The following SLC17A1 variants were observed in gnomAD, a reference collection of about 807,000 sequenced individuals.
SLC17A1 encodes sodium-dependent phosphate transport protein 1.
SLC17A1 carries 51 observed loss-of-function variants against 53.5 expected under a neutral mutation model. The observed-to-expected ratio is 0.95, with a 90% CI of 0.76 to 1.20. SLC17A1 has a LOEUF of 1.20. SLC17A1 is among the 50% of genes most tolerant of loss of function. SLC17A1 has a pLI of 0.00. For synonymous variants in SLC17A1, 179 were observed against 198.8 expected, an observed-to-expected ratio of 0.90 and a Z score of 0.84; for missense variants, 538 against 568.2, an observed-to-expected ratio of 0.95 and a Z score of 0.54.
chr6:25,795,408 A>G (rs1240074298), intron 12 of SLC17A1, among the ~76,000 whole-genome samples: 1 of 152,214 alleles, frequency 6.6e-6, no homozygotes, highest in African/African-American at 2.4e-5. Flanking sequence ...TTCAAAGAAG[A>G]GTTAGAGAGC....
the SLC17A1 span, among the ~76,000 whole-genome samples, chr6:25,755,284 T>C: frequency 6.6e-6 from 1 of 152,074 alleles, no homozygotes; most frequent in African/African-American, 2.4e-5. Flanking sequence ...TTCCAGCGAA[T>C]TTATGGGAAA....
At chr6:25,828,084 A>G (rs1764815595) in intron 2 of SLC17A1, among the ~76,000 whole-genome samples, 1 of 152,176 alleles carries the variant, frequency 6.6e-6, no homozygotes, top group Non-Finnish European at 1.5e-5. Context: ...GACAAGTTAT[A>G]TGCCCCTAAC....
intron 12 of SLC17A1, among the ~76,000 whole-genome samples, chr6:25,793,252 A>G (rs2151476880): frequency 6.6e-6 from 1 of 152,228 alleles, no homozygotes; most frequent in Middle Eastern, 3.4e-3. Flanking sequence ...ATGTAAATTC[A>G]CAGACCCTAG....
chr6:25,802,384 C>A (rs1363330753), intron 10 of SLC17A1, among the ~76,000 whole-genome samples: 1 of 152,042 alleles, frequency 6.6e-6, no homozygotes, highest in East Asian at 1.9e-4. Flanking sequence ...TTTCATTTTG[C>A]AAATTCAATT....
intron 10 of SLC17A1, among the ~76,000 whole-genome samples, chr6:25,804,617 A>T (rs1581466535): frequency 6.6e-6 from 1 of 152,212 alleles, no homozygotes; most frequent in East Asian, 1.9e-4. Flanking sequence ...TCACAAAACA[A>T]ATATTTGCTG....
chr6:25,802,939 T>C (rs1230948898), intron 10 of SLC17A1, among the ~76,000 whole-genome samples: 9 of 63,150 alleles, frequency 1.4e-4, no homozygotes, highest in Admixed American at 4.0e-4. Flanking sequence ...CTTCTTCTTT[T>C]TTTTTTTTTT....
At chr6:25,727,436 G>T in the SLC17A1 span, 1 of 686,842 alleles carries the variant, frequency 1.5e-6, no homozygotes. Context: ...CACTCTCCCA[G>T]GCTGGAGTGC....
At chr6:25,731,457 A>G in the SLC17A1 span, among the ~76,000 whole-genome samples, 1 of 152,178 alleles carries the variant, frequency 6.6e-6, no homozygotes, top group African/African-American at 2.4e-5. Flanking sequence ...TGTAGTAGAA[A>G]ACGTCATAGA....
At chr6:25,806,745 C>T (rs188142219) in intron 10 of SLC17A1, among the ~76,000 whole-genome samples, 71 of 152,036 alleles carry the variant, frequency 4.7e-4, no homozygotes, top group African/African-American at 1.7e-3. Context: ...ACAGATAACC[C>T]ACAGAATGGG....
intron 12 of SLC17A1, among the ~76,000 whole-genome samples, chr6:25,795,812 A>G (rs1440805347): frequency 6.6e-6 from 1 of 152,218 alleles, no homozygotes; most frequent in Admixed American, 6.5e-5. Flanking sequence ...AAAAGTAAAA[A>G]TTATGGAATG....
At chr6:25,778,792 G>T (rs1436028022), downstream of SLC17A1, among the ~76,000 whole-genome samples, 1 of 152,198 alleles carries the variant, frequency 6.6e-6, no homozygotes, top group Non-Finnish European at 1.5e-5. Context: ...TGCTTAAAAA[G>T]AACACTTAAG....
the SLC17A1 span, among the ~76,000 whole-genome samples, chr6:25,758,706 G>A: frequency 2.0e-5 from 3 of 151,470 alleles, no homozygotes; most frequent in East Asian, 3.9e-4. Flanking sequence ...TGTCGCTGAT[G>A]GTCTGGCAAT....
chr6:25,755,010 T>A, the SLC17A1 span, among the ~76,000 whole-genome samples: 1 of 149,316 alleles, frequency 6.7e-6, no homozygotes, highest in East Asian at 2.0e-4. Flanking sequence ...TTTCTAAAAG[T>A]ATAGCTGAAC....
At chr6:25,731,842 C>G in the SLC17A1 span, 13 of 1,602,764 alleles carry the variant, frequency 8.1e-6, no homozygotes, top group Non-Finnish European at 1.1e-5. Flanking sequence ...ACGTGCTTGG[C>G]TAGTTCCCCA....
the SLC17A1 span, chr6:25,726,408 A>C: frequency 1.9e-6 from 3 of 1,614,086 alleles, no homozygotes; most frequent in Non-Finnish European, 2.5e-6. Flanking sequence ...TCCGCTCTGC[A>C]TAGTTTCCCT....
rs897211984 is a variant in SLC17A1 at position 25,808,725 on chromosome 6, A to G, written c.1178+2673T>C. The stretch of plus-strand genomic sequence containing the variant: ...GAGATAACATCTTGTACCAGTCAGA[A>G]TGATTATTATTAAAGTCAAAAACCA... On this transcript the variant is annotated intron_variant, in intron 10 of 12. Coordinates refer to ENST00000244527, the MANE Select transcript of SLC17A1 (RefSeq NM_005074.5). Among the ~76,000 whole-genome samples the G allele has an allele frequency of 1.5e-4, 23 of 152,042 alleles. 1 individual carries two copies. The highest frequency in any genetic ancestry group is 4.4e-5 in the Non-Finnish European group (3 of 67,930).
At chr6:25,743,145 T>TA in the SLC17A1 span, among the ~76,000 whole-genome samples, 1 of 152,140 alleles carries the variant, frequency 6.6e-6, no homozygotes, top group African/African-American at 2.4e-5. Context: ...GAAGTTTTTA[T>TA]AAAAAAGGTG....
downstream of SLC17A1, among the ~76,000 whole-genome samples, chr6:25,781,970 G>A (rs1237588562): frequency 6.6e-6 from 1 of 152,186 alleles, no homozygotes; most frequent in Non-Finnish European, 1.5e-5. Flanking sequence ...TTGTGAGAAG[G>A]TGCTAGCTGA....
the SLC17A1 span, chr6:25,727,114 C>T: frequency 6.2e-7 from 1 of 1,614,238 alleles, no homozygotes; most frequent in Non-Finnish European, 8.5e-7. Context: ...TCCTTCGTCA[C>T]TGATATCTTT....
Sources: gnomAD v4.1 joint callset for allele counts (sites outside exome capture counted in the v4.1 genomes callset) on GRCh38, gnomAD v4.1.1 for gene constraint, MANE v1.5 for transcripts, NCBI Gene and HGNC (gene_info 2026-07-23, HGNC 2026-07-21) for gene names.